Variants in SLX4IP observed in about 807,000 individuals in gnomAD.
SLX4IP encodes the protein SLX4 interacting protein, also known as protein SLX4IP.
SLX4IP carries 34 observed loss-of-function variants against 32.9 expected under a neutral mutation model. The observed-to-expected ratio is 1.03, with a 90% CI of 0.79 to 1.38. The LOEUF (loss-of-function observed/expected upper bound fraction) is 1.38, where lower values mean the gene tolerates loss of function less well. Ranked by LOEUF, SLX4IP falls within the 40% of genes most tolerant of loss-of-function variation. SLX4IP has a pLI of 0.00. For missense variants in SLX4IP, 444 were observed against 479.0 expected (o/e 0.93, Z 0.68); for synonymous variants, 172 against 171.7 (o/e 1.00, Z -0.01).
chr20:10,490,511 AC>A (rs1466412904), intron 2 of SLX4IP, among the ~76,000 whole-genome samples: 2 of 152,060 alleles, frequency 1.3e-5, no homozygotes. Context: ...GAACCTTCTG[AC>A]CTCACATTGA....
At chr20:10,541,323 T>C (rs1358451877) in intron 2 of SLX4IP, among the ~76,000 whole-genome samples, 1 of 152,222 alleles carries the variant, frequency 6.6e-6, no homozygotes, top group African/African-American at 2.4e-5. Context: ...CCCTGCAGGA[T>C]GGGATTCCCC....
intron 4 of SLX4IP, among the ~76,000 whole-genome samples, chr20:10,561,217 A>G (rs1320225943): frequency 6.6e-6 from 1 of 152,116 alleles, no homozygotes; most frequent in Non-Finnish European, 1.5e-5. Context: ...AGCATTTATC[A>G]TTTCTTTGTG....
intron 1 of SLX4IP, among the ~76,000 whole-genome samples, chr20:10,453,721 A>AC (rs1455669325): frequency 7.0e-6 from 1 of 143,162 alleles, no homozygotes; most frequent in Non-Finnish European, 1.6e-5. Context: ...ACCTCCTACT[A>AC]CCCCCCAACG....
chr20:10,437,155 T>C (rs1033069243), intron 1 of SLX4IP, among the ~76,000 whole-genome samples: 3 of 152,128 alleles, frequency 2.0e-5, no homozygotes, highest in Non-Finnish European at 2.9e-5. Flanking sequence ...AGACAGGGTA[T>C]AACCCTGTTG....
chr20:10,615,770 T>C (rs891343697), intron 6 of SLX4IP, among the ~76,000 whole-genome samples: 45 of 152,148 alleles, frequency 3.0e-4, no homozygotes, highest in Non-Finnish European at 1.3e-4. Context: ...CAGGTTGGGG[T>C]CTGGTGAGGG....
intron 6 of SLX4IP, 83 bp from the exon 7 acceptor site, chr20:10,621,231 A>T: frequency 8.2e-7 from 1 of 1,217,546 alleles, no homozygotes; most frequent in Admixed American, 1.8e-5. Flanking sequence ...AAATGTGTTC[A>T]TTGGGGCATT....
intron 6 of SLX4IP, among the ~76,000 whole-genome samples, chr20:10,606,444 A>G (rs1198716764): frequency 6.6e-6 from 1 of 152,202 alleles, no homozygotes; most frequent in East Asian, 1.9e-4. Flanking sequence ...CAGATTTTTC[A>G]TGATCTATCA....
intron 6 of SLX4IP, among the ~76,000 whole-genome samples, chr20:10,614,585 G>A (rs1041858720): frequency 2.6e-5 from 4 of 152,114 alleles, no homozygotes; most frequent in Admixed American, 6.5e-5. Context: ...TAATGTCTTA[G>A]AGCCTTCAGC....
chr20:10,490,034 C>G (rs1307670884), intron 2 of SLX4IP, among the ~76,000 whole-genome samples: 1 of 152,102 alleles, frequency 6.6e-6, no homozygotes, highest in African/African-American at 2.4e-5. Context: ...ATATCTAATT[C>G]TAAGGAGGCC....
chr20:10,553,886 A>T (rs1272298903), intron 2 of SLX4IP, among the ~76,000 whole-genome samples: 2 of 152,248 alleles, frequency 1.3e-5, no homozygotes, highest in Non-Finnish European at 2.9e-5. Context: ...ACAGTTTATT[A>T]CCTGGTAAAC....
intron 2 of SLX4IP, among the ~76,000 whole-genome samples, chr20:10,515,307 A>C (rs771381258): frequency 6.6e-6 from 1 of 151,386 alleles, no homozygotes; most frequent in Non-Finnish European, 1.5e-5. Context: ...CTGTTCTCGA[A>C]CTCCTGATCT....
chr20:10,618,585 C>A lies in SLX4IP; in HGVS notation c.406-2729C>A, dbSNP rs146092394. ...TGTTGGTTAATCTAATTTTTTAATACCTGAGTCTCCATGGACTCAGAATGT... is the reference window on the plus strand; with the variant it reads ...TGTTGGTTAATCTAATTTTTTAATAACTGAGTCTCCATGGACTCAGAATGT... On this transcript the variant is annotated intron_variant, in intron 6 of 7. Coordinates refer to ENST00000334534, the MANE Select transcript of SLX4IP (RefSeq NM_001009608.3). 8.0e-4 allele frequency among the ~76,000 whole-genome samples: 122 copies of A among 152,288 alleles called. 1 individual carries two copies. Among genetic ancestry groups the A allele is most frequent in the African/African-American group, 2.9e-3 (119 of 41,572 alleles).
At chr20:10,618,419 G>A (rs554034092) in intron 6 of SLX4IP, among the ~76,000 whole-genome samples, 3 of 152,302 alleles carry the variant, frequency 2.0e-5, no homozygotes, top group Admixed American at 1.3e-4. Flanking sequence ...AAACAAAATA[G>A]GAGGTAGGGT....
intron 2 of SLX4IP, among the ~76,000 whole-genome samples, chr20:10,533,181 T>A (rs1292609628): frequency 2.6e-5 from 4 of 152,124 alleles, no homozygotes; most frequent in Non-Finnish European, 4.4e-5. Context: ...AAAACAGAGA[T>A]CCACTTTGAA....
intron 4 of SLX4IP, among the ~76,000 whole-genome samples, chr20:10,567,414 C>T (rs1182262244): frequency 6.6e-6 from 1 of 152,156 alleles, no homozygotes; most frequent in East Asian, 1.9e-4. Flanking sequence ...CTTCCTCCTT[C>T]TGCCGTGTGA....
chr20:10,573,767 G>A (rs2066492499), intron 4 of SLX4IP, among the ~76,000 whole-genome samples: 1 of 152,154 alleles, frequency 6.6e-6, no homozygotes. Flanking sequence ...CTCTCATAAA[G>A]CACTGTGGAA....
chr20:10,507,859 TGA>T (rs1353758362), intron 2 of SLX4IP, among the ~76,000 whole-genome samples: 11 of 151,632 alleles, frequency 7.3e-5, no homozygotes, highest in Non-Finnish European at 1.6e-4. Flanking sequence ...TATTTCTCTG[TGA>T]ATACTTAAAA....
chr20:10,523,792 A>G (rs2065919097), intron 2 of SLX4IP, among the ~76,000 whole-genome samples: 1 of 152,256 alleles, frequency 6.6e-6, no homozygotes, highest in Non-Finnish European at 1.5e-5. Context: ...CAGACTAAAA[A>G]ATCTTTTTTT....
chr20:10,463,886 A>C (rs1034732140), intron 2 of SLX4IP, among the ~76,000 whole-genome samples: 10 of 152,088 alleles, frequency 6.6e-5, no homozygotes, highest in African/African-American at 2.4e-4. Flanking sequence ...GGCTCAAGTG[A>C]TCCTCCTGCA....
Sources: gnomAD v4.1 joint callset for allele counts (sites outside exome capture counted in the v4.1 genomes callset) on GRCh38, gnomAD v4.1.1 for gene constraint, MANE v1.5 for transcripts, NCBI Gene and HGNC (gene_info 2026-07-23, HGNC 2026-07-21) for gene names.